STK32B: variants seen among roughly 807,000 people sequenced by gnomAD.
STK32B encodes the protein serine/threonine-protein kinase 32B.
STK32B carries 43 observed loss-of-function variants against 52.6 expected under a neutral mutation model. The ratio of observed to expected loss-of-function variants is 0.82; its 90% confidence interval spans 0.64 to 1.05. The LOEUF is 1.05. STK32B is among the 50% of genes least tolerant of loss of function. The probability of loss-of-function intolerance (pLI) is 0.00; values close to 1 mark genes in which losing one functional copy is unlikely to be tolerated. For missense variants in STK32B, 621 were observed against 534.6 expected (o/e 1.16, Z -1.59); for synonymous variants, 238 against 204.3 (o/e 1.17, Z -1.41).
intron 3 of STK32B, among the ~76,000 whole-genome samples, chr4:5,325,467 T>C (rs1020422481): frequency 3.3e-5 from 5 of 152,154 alleles, no homozygotes; most frequent in Non-Finnish European, 7.3e-5. Flanking sequence ...AATTGGGGTA[T>C]TTTTTCCTGA....
chr4:5,073,131 G>A (rs1711877472), intron 1 of STK32B, among the ~76,000 whole-genome samples: 1 of 151,964 alleles, frequency 6.6e-6, no homozygotes, highest in Admixed American at 6.6e-5. Flanking sequence ...TTTAATTAGA[G>A]TATTTGGTAT....
At chr4:5,468,678 A>G (rs190482727) in intron 11 of STK32B, among the ~76,000 whole-genome samples, 116 of 152,252 alleles carry the variant, frequency 7.6e-4, no homozygotes, top group African/African-American at 2.6e-3. Context: ...GGGAGGGGCT[A>G]GGTGGGGTGT....
intron 4 of STK32B, among the ~76,000 whole-genome samples, chr4:5,374,646 T>A (rs1206466906): frequency 6.6e-6 from 1 of 152,216 alleles, no homozygotes; most frequent in Non-Finnish European, 1.5e-5. Context: ...GGCACCTCCC[T>A]TCAGCGTCTT....
chr4:5,051,748 G>C lies in STK32B; in HGVS notation c.-116G>C. 1 of 1,426,648 alleles carries C rather than the reference G, an allele frequency of 7.0e-7. No homozygotes were observed. Among genetic ancestry groups the C allele is most frequent in the Non-Finnish European group, 9.5e-7 (1 of 1,056,788 alleles). 88.4% of individuals were successfully genotyped at this position (1,426,648 alleles called of 1,614,324 possible). ...TGCTCGGCCCCCTCGGGCTCCGCGCGCGGCTACAACCCGGACTGGGCGCGC... is the reference window on the plus strand; with the variant it reads ...TGCTCGGCCCCCTCGGGCTCCGCGCCCGGCTACAACCCGGACTGGGCGCGC... On this transcript the variant is annotated 5_prime_UTR_variant, in exon 1 of 12. Coordinates refer to ENST00000282908, the MANE Select transcript of STK32B (RefSeq NM_018401.3).
rs965084374 is a variant in STK32B at position 5,058,894 on chromosome 4, G to A, written c.52+6979G>A. Among the ~76,000 whole-genome samples, 21 of 152,008 alleles carry A rather than the reference G, an allele frequency of 1.4e-4. No individual in the cohort carries two copies. Among genetic ancestry groups the A allele is most frequent in the African/African-American group, 4.3e-4 (18 of 41,400 alleles). On this transcript the variant is annotated intron_variant, in intron 1 of 11. Transcript: ENST00000282908. The surrounding 1 kb of genome is among the most constrained non-coding windows in gnomAD (Gnocchi z 4.8). ...GCCTCCCCAGTACCTGGGATTACAG[G>A]CAGGTGCCACCATGCCCAGCTAATT...
At chr4:5,480,785 A>G (rs1230578220) in intron 11 of STK32B, among the ~76,000 whole-genome samples, 3 of 143,876 alleles carry the variant, frequency 2.1e-5, no homozygotes, top group African/African-American at 2.6e-5. Context: ...TCCTGTGTCC[A>G]TGTGTTCTCA....
intron 11 of STK32B, among the ~76,000 whole-genome samples, chr4:5,472,233 G>T (rs1445285501): frequency 6.6e-6 from 1 of 152,240 alleles, no homozygotes; most frequent in Non-Finnish European, 1.5e-5. Context: ...GATGCCCATA[G>T]CCTGCAGCGG....
At chr4:5,483,184 C>G (rs1478021993) in intron 11 of STK32B, among the ~76,000 whole-genome samples, 1 of 151,736 alleles carries the variant, frequency 6.6e-6, no homozygotes, top group Non-Finnish European at 1.5e-5. Context: ...CCTTGTACCT[C>G]TGGTAGAATT....
At chr4:5,062,679 C>G (rs1023217429) in intron 1 of STK32B, among the ~76,000 whole-genome samples, 2 of 151,664 alleles carry the variant, frequency 1.3e-5, no homozygotes, top group African/African-American at 4.8e-5. Flanking sequence ...CCGCTAATTT[C>G]TTGTATTTTT....
At chr4:5,091,943 T>C (rs1560146701) in intron 1 of STK32B, among the ~76,000 whole-genome samples, 1 of 152,212 alleles carries the variant, frequency 6.6e-6, no homozygotes, top group Admixed American at 6.5e-5. Context: ...GAAAGAAGTC[T>C]GCCAGAAAAG....
the STK32B span, among the ~76,000 whole-genome samples, chr4:5,019,971 G>A: frequency 1.3e-5 from 2 of 152,162 alleles, no homozygotes; most frequent in African/African-American, 2.4e-5. Context: ...GGCCACCGGT[G>A]TCCTCGTCCA....
At chr4:5,210,751 T>C (rs1722856221) in intron 3 of STK32B, among the ~76,000 whole-genome samples, 3 of 152,138 alleles carry the variant, frequency 2.0e-5, no homozygotes, top group South Asian at 4.1e-4. Context: ...GTTGCAAAAG[T>C]GTTTTCTATC....
rs1159394109 is a variant in STK32B, at chr4:5,453,859, C to G, written c.667-2948C>G. Reference sequence around the variant, plus strand: ...GGTGGAGGTTGCAGTGAGCCGAGATCATACCATTGCACTCCAGTCTAGGCG... The same window carrying G: ...GGTGGAGGTTGCAGTGAGCCGAGATGATACCATTGCACTCCAGTCTAGGCG... On this transcript the variant is annotated intron_variant, in intron 7 of 11. Transcript: ENST00000282908. The surrounding 1 kb of genome is among the most constrained non-coding windows in gnomAD (Gnocchi z 4.0). Among the ~76,000 whole-genome samples, 1 of 152,006 alleles carries G rather than the reference C, an allele frequency of 6.6e-6. No individual in the cohort carries two copies.
intron 11 of STK32B, among the ~76,000 whole-genome samples, chr4:5,479,260 C>T (rs185948149): frequency 1.3e-5 from 2 of 151,766 alleles, no homozygotes; most frequent in Admixed American, 1.3e-4. Context: ...GCTGGGATTA[C>T]AGGCGCCCAC....
chr4:5,075,453 A>T (rs1177826221), intron 1 of STK32B, among the ~76,000 whole-genome samples: 1 of 152,190 alleles, frequency 6.6e-6, no homozygotes, highest in South Asian at 2.1e-4. Flanking sequence ...AATGTTTCTC[A>T]ATCTTTTTGC....
intron 1 of STK32B, among the ~76,000 whole-genome samples, chr4:5,075,083 G>A (rs1280824490): frequency 6.6e-6 from 1 of 152,104 alleles, no homozygotes; most frequent in African/African-American, 2.4e-5. Flanking sequence ...GGGATTTCAG[G>A]GGAGCTTGTA....
At chr4:5,253,938 C>T (rs553708569) in intron 3 of STK32B, among the ~76,000 whole-genome samples, 5 of 152,090 alleles carry the variant, frequency 3.3e-5, no homozygotes, top group Non-Finnish European at 7.4e-5. Context: ...AAATTATAGC[C>T]ACCGTGCGTG....
chr4:5,024,586 G>A, the STK32B span, among the ~76,000 whole-genome samples: 1 of 152,194 alleles, frequency 6.6e-6, no homozygotes, highest in African/African-American at 2.4e-5. Context: ...GACCACTGAA[G>A]AAAGTCCTGA....
chr4:5,255,191 CTG>C (rs1726212715), intron 3 of STK32B, among the ~76,000 whole-genome samples: 1 of 152,146 alleles, frequency 6.6e-6, no homozygotes, highest in African/African-American at 2.4e-5. Context: ...ACATGCTTCT[CTG>C]AGAGCATATA....
Sources: gnomAD v4.1 joint callset for allele counts (sites outside exome capture counted in the v4.1 genomes callset) on GRCh38, gnomAD v4.1.1 for gene constraint, Gnocchi (gnomAD v3.1) non-coding constraint, MANE v1.5 for transcripts, NCBI Gene and HGNC (gene_info 2026-07-23, HGNC 2026-07-21) for gene names.